Variants in HECW1 observed in about 807,000 individuals in gnomAD.
HECW1 encodes the protein E3 ubiquitin-protein ligase HECW1.
HECW1 carries 61 observed loss-of-function variants against 182.3 expected under a neutral mutation model. That is an observed-to-expected ratio of 0.33 (90% CI 0.27 to 0.41). The LOEUF is 0.41. Ranked by LOEUF, HECW1 falls within the 10% of genes least tolerant of loss-of-function variation. The pLI, the probability that HECW1 is intolerant of heterozygous loss-of-function variation, is 1.00. For missense variants in HECW1, 1,739 were observed against 2,108.9 expected, an observed-to-expected ratio of 0.82 and a Z score of 3.44; for synonymous variants, 859 against 832.6, an observed-to-expected ratio of 1.03 and a Z score of -0.55.
At chr7:43,283,398 A>G (rs2152749325) in intron 3 of HECW1, among the ~76,000 whole-genome samples, 1 of 152,310 alleles carries the variant, frequency 6.6e-6, no homozygotes, top group East Asian at 1.9e-4. Flanking sequence ...GCTCTTAAAG[A>G]CATTTTCAGA....
At chr7:43,133,221 T>G (rs1342776270) in intron 2 of HECW1, among the ~76,000 whole-genome samples, 1 of 151,838 alleles carries the variant, frequency 6.6e-6, no homozygotes, top group Non-Finnish European at 1.5e-5. Flanking sequence ...TATATATATA[T>G]GATATACTTA....
At chr7:43,524,095 C>T (rs1409370787) in intron 24 of HECW1, among the ~76,000 whole-genome samples, 1 of 152,128 alleles carries the variant, frequency 6.6e-6, no homozygotes, top group African/African-American at 2.4e-5. Flanking sequence ...ATTTCCATAA[C>T]CCACCCCATA....
At chr7:43,362,473 C>T (rs969978780) in intron 6 of HECW1, among the ~76,000 whole-genome samples, 2 of 152,138 alleles carry the variant, frequency 1.3e-5, no homozygotes, top group African/African-American at 2.4e-5. Context: ...CAGATTGGAA[C>T]GTGATTCCTG....
chr7:43,305,984 T>C (rs918491261), intron 3 of HECW1, among the ~76,000 whole-genome samples: 4 of 152,096 alleles, frequency 2.6e-5, no homozygotes, highest in Non-Finnish European at 5.9e-5. Context: ...GGTCTCGAAC[T>C]CCCAACCTCA....
At chr7:43,470,472 C>T (rs897841082) in intron 16 of HECW1, among the ~76,000 whole-genome samples, 6 of 152,152 alleles carry the variant, frequency 3.9e-5, no homozygotes, top group Admixed American at 2.0e-4. Flanking sequence ...GACAAGGAGG[C>T]TTCCCAATGC....
intron 16 of HECW1, among the ~76,000 whole-genome samples, chr7:43,477,762 T>C: frequency 6.6e-6 from 1 of 152,218 alleles, no homozygotes; most frequent in African/African-American, 2.4e-5. Flanking sequence ...GTATGAGTTT[T>C]TATAAAGCTC....
intron 5 of HECW1, among the ~76,000 whole-genome samples, chr7:43,328,158 A>G (rs1584494089): frequency 1.3e-5 from 2 of 152,096 alleles, no homozygotes; most frequent in East Asian, 3.9e-4. Flanking sequence ...ATCTCTACAA[A>G]AAATAAAAAT....
chr7:43,261,607 A>G (rs1168173811), intron 3 of HECW1, among the ~76,000 whole-genome samples: 1 of 152,084 alleles, frequency 6.6e-6, no homozygotes, highest in East Asian at 1.9e-4. Flanking sequence ...CCCCAATTAC[A>G]TGGTACCTTC....
At chr7:43,421,152 C>T (rs902643146) in intron 8 of HECW1, among the ~76,000 whole-genome samples, 7 of 152,162 alleles carry the variant, frequency 4.6e-5, no homozygotes, top group Admixed American at 2.0e-4. Flanking sequence ...ATAGCATCAT[C>T]GTTTTACGAC....
chr7:43,356,458 A>G (rs1292999780), intron 5 of HECW1, among the ~76,000 whole-genome samples: 3 of 152,226 alleles, frequency 2.0e-5, no homozygotes, highest in African/African-American at 7.2e-5. Context: ...TATGATCATA[A>G]TAGGGGACTT....
At chr7:43,122,218 C>T (rs1017024104) in intron 2 of HECW1, among the ~76,000 whole-genome samples, 1 of 152,210 alleles carries the variant, frequency 6.6e-6, no homozygotes, top group African/African-American at 2.4e-5. Context: ...TTCCCAGGTT[C>T]ACAAGGTCAG....
At chr7:43,428,837 T>C (rs1431832890) in intron 8 of HECW1, among the ~76,000 whole-genome samples, 2 of 152,192 alleles carry the variant, frequency 1.3e-5, no homozygotes, top group African/African-American at 4.8e-5. Flanking sequence ...TCCAATCCTA[T>C]GCTTTCTTTA....
intron 29 of HECW1, among the ~76,000 whole-genome samples, chr7:43,559,407 A>G (rs1244781833): frequency 6.6e-6 from 1 of 152,200 alleles, no homozygotes; most frequent in Non-Finnish European, 1.5e-5. Context: ...TGCCACAAGT[A>G]TGACACGGTT....
chr7:43,139,173 C>T (rs945433566), intron 2 of HECW1, among the ~76,000 whole-genome samples: 1 of 152,120 alleles, frequency 6.6e-6, no homozygotes, highest in African/African-American at 2.4e-5. Context: ...GAAATACTGA[C>T]CTGACCCTAG....
chr7:43,267,905 C>A (rs1373469840), intron 3 of HECW1, among the ~76,000 whole-genome samples: 2 of 152,002 alleles, frequency 1.3e-5, no homozygotes, highest in African/African-American at 4.8e-5. Context: ...AACTATAAAA[C>A]TTGCCAGATA....
At chr7:43,429,530 TG>T (rs2076477851) in intron 8 of HECW1, among the ~76,000 whole-genome samples, 5 of 152,046 alleles carry the variant, frequency 3.3e-5, no homozygotes, top group African/African-American at 1.2e-4. Flanking sequence ...AGAATGCTCC[TG>T]ATTCAATTCC....
intron 2 of HECW1, among the ~76,000 whole-genome samples, chr7:43,158,778 A>G (rs1026134805): frequency 4.6e-5 from 7 of 152,160 alleles, no homozygotes; most frequent in African/African-American, 9.7e-5. Context: ...TAACTGCACC[A>G]TGCTCGTGGT....
chr7:43,129,726 G>T (rs1786694169), intron 2 of HECW1, among the ~76,000 whole-genome samples: 1 of 152,066 alleles, frequency 6.6e-6, no homozygotes, highest in African/African-American at 2.4e-5. Flanking sequence ...GTATACAGTT[G>T]TCCCTTGGTA....
chr7:43,171,344 T>C (rs983290545), intron 2 of HECW1, among the ~76,000 whole-genome samples: 3 of 152,230 alleles, frequency 2.0e-5, no homozygotes, highest in Non-Finnish European at 4.4e-5. Flanking sequence ...TGTGCTGCTT[T>C]TATAAAATCT....
Sources: gnomAD v4.1 joint callset for allele counts (sites outside exome capture counted in the v4.1 genomes callset) on GRCh38, gnomAD v4.1.1 for gene constraint, MANE v1.5 for transcripts, NCBI Gene and HGNC (gene_info 2026-07-23, HGNC 2026-07-21) for gene names.